GRIA4: variants seen among roughly 807,000 people sequenced by gnomAD.
The protein encoded by GRIA4 is glutamate ionotropic receptor AMPA type subunit 4, also known as glutamate receptor 4.
Under a neutral mutation model 104.0 loss-of-function variants are expected in GRIA4, and 34 were observed. The ratio of observed to expected loss-of-function variants is 0.33; its 90% CI spans 0.25 to 0.44. The LOEUF is 0.44. Ranked by LOEUF, GRIA4 falls within the 20% of genes least tolerant of loss-of-function variation. The pLI is 1.00. For missense variants in GRIA4, 750 were observed against 1,096.5 expected (o/e 0.68, Z 4.46); for synonymous variants, 386 against 381.9 (o/e 1.01, Z -0.13).
At chr11:105,780,068 C>G (rs561200572) in intron 4 of GRIA4, among the ~76,000 whole-genome samples, 1 of 152,188 alleles carries the variant, frequency 6.6e-6, no homozygotes, top group Admixed American at 6.5e-5. Context: ...TTTAGGTGTA[C>G]CCTGACTATC....
intron 4 of GRIA4, among the ~76,000 whole-genome samples, chr11:105,830,831 C>A (rs769297570): frequency 6.6e-6 from 1 of 151,982 alleles, no homozygotes; most frequent in Non-Finnish European, 1.5e-5. Flanking sequence ...TCTCTCACTG[C>A]CTTAACAGGT....
At chr11:105,619,934 T>C (rs774755420) in intron 3 of GRIA4, among the ~76,000 whole-genome samples, 1 of 151,910 alleles carries the variant, frequency 6.6e-6, no homozygotes, top group African/African-American at 2.4e-5. Context: ...TTCCTTAACA[T>C]AGAAAATAAT....
intron 14 of GRIA4, among the ~76,000 whole-genome samples, chr11:105,962,865 G>T (rs1009151624): frequency 2.0e-5 from 3 of 151,908 alleles, no homozygotes; most frequent in Non-Finnish European, 4.4e-5. Context: ...TACATTTAAC[G>T]CAATAAAGGG....
chr11:105,758,359 T>G (rs1940431886), intron 4 of GRIA4, among the ~76,000 whole-genome samples: 2 of 152,136 alleles, frequency 1.3e-5, no homozygotes, highest in Admixed American at 1.3e-4. Context: ...TTAAAAATCT[T>G]TAGACTGATG....
At chr11:105,731,987 GCA>G (rs1938624990) in intron 3 of GRIA4, among the ~76,000 whole-genome samples, 1 of 152,132 alleles carries the variant, frequency 6.6e-6, no homozygotes, top group Non-Finnish European at 1.5e-5. Flanking sequence ...CAACAAACCT[GCA>G]CGTTCTGCAC....
At chr11:105,634,488 A>AGG (rs1462862865) in intron 3 of GRIA4, among the ~76,000 whole-genome samples, 1 of 63,936 alleles carries the variant, frequency 1.6e-5, no homozygotes, top group African/African-American at 4.6e-5. Context: ...AAAGAAAGAA[A>AGG]GAAAGAAAGA....
At chr11:105,856,855 G>A (rs532385419) in intron 4 of GRIA4, among the ~76,000 whole-genome samples, 28 of 152,208 alleles carry the variant, frequency 1.8e-4, no homozygotes, top group Admixed American at 9.2e-4. Context: ...CTTTAACAAT[G>A]ATTATTATCA....
At chr11:105,959,991 T>C (rs1948694446) in intron 14 of GRIA4, among the ~76,000 whole-genome samples, 1 of 152,196 alleles carries the variant, frequency 6.6e-6, no homozygotes, top group Non-Finnish European at 1.5e-5. Context: ...GCCTGCTCCT[T>C]CTTCTAGGAC....
At chr11:105,639,617 C>G (rs993935437) in intron 3 of GRIA4, among the ~76,000 whole-genome samples, 1 of 151,888 alleles carries the variant, frequency 6.6e-6, no homozygotes, top group Non-Finnish European at 1.5e-5. Context: ...AATGATGTTG[C>G]TATCATACTT....
At chr11:105,619,435 T>C (rs1295994495) in intron 3 of GRIA4, among the ~76,000 whole-genome samples, 1 of 151,954 alleles carries the variant, frequency 6.6e-6, no homozygotes, top group Non-Finnish European at 1.5e-5. Flanking sequence ...AAGTTATTTA[T>C]ATTTTAAATT....
chr11:105,739,672 T>G (rs1939186152), intron 3 of GRIA4, among the ~76,000 whole-genome samples: 1 of 152,244 alleles, frequency 6.6e-6, no homozygotes, highest in Admixed American at 6.5e-5. Context: ...AGCATGCCTA[T>G]CCACCATCTG....
chr11:105,668,806 T>C (rs1464719323), intron 3 of GRIA4, among the ~76,000 whole-genome samples: 2 of 151,972 alleles, frequency 1.3e-5, no homozygotes, highest in Non-Finnish European at 2.9e-5. Context: ...GCTGAAGTCT[T>C]TTATTTAGTT....
intron 5 of GRIA4, among the ~76,000 whole-genome samples, chr11:105,876,827 C>T (rs901633371): frequency 3.9e-5 from 6 of 152,130 alleles, no homozygotes; most frequent in East Asian, 1.9e-4. Context: ...TGAGATGGGT[C>T]GCTGAATACA....
rs771992400 is a variant in GRIA4 at position 105,775,795 on chromosome 11, C to A, written c.487+22575C>A. 1.5e-3 allele frequency among the ~76,000 whole-genome samples: 227 copies of A among 151,934 alleles called. 2 individuals are homozygous for A. Among genetic ancestry groups the A allele is most frequent in the Non-Finnish European group, 2.4e-3 (164 of 67,894 alleles). On this transcript the variant is annotated intron_variant, in intron 4 of 16. Coordinates refer to ENST00000282499, the MANE Select transcript of GRIA4 (RefSeq NM_000829.4). ...AGAAAGTACCTCTTTCTAATAATGACACCCAACTTTATCAAGCATTTAGAA... is the reference window on the plus strand; with the variant it reads ...AGAAAGTACCTCTTTCTAATAATGAAACCCAACTTTATCAAGCATTTAGAA...
At chr11:105,844,363 G>T (rs1457519145) in intron 4 of GRIA4, among the ~76,000 whole-genome samples, 3 of 152,116 alleles carry the variant, frequency 2.0e-5, no homozygotes, top group Non-Finnish European at 2.9e-5. Context: ...ACTCCACTCT[G>T]ACCTCACCAT....
chr11:105,829,449 A>G (rs1034320721), intron 4 of GRIA4, among the ~76,000 whole-genome samples: 3 of 151,924 alleles, frequency 2.0e-5, no homozygotes, highest in African/African-American at 4.8e-5. Context: ...GATTTTAATT[A>G]CCACCCTTAC....
intron 3 of GRIA4, among the ~76,000 whole-genome samples, chr11:105,701,538 A>T (rs1953492029): frequency 6.6e-6 from 1 of 152,066 alleles, no homozygotes; most frequent in Admixed American, 6.6e-5. Context: ...CAAGAATGCA[A>T]TTCCATTATA....
intron 4 of GRIA4, among the ~76,000 whole-genome samples, chr11:105,839,722 T>TA (rs975079006): frequency 4.6e-5 from 7 of 150,624 alleles, no homozygotes; most frequent in African/African-American, 1.2e-4. Context: ...AAATAAAAAA[T>TA]AAAAAAAAAG....
chr11:105,823,814 A>G (rs998055248), intron 4 of GRIA4, among the ~76,000 whole-genome samples: 1 of 152,058 alleles, frequency 6.6e-6, no homozygotes, highest in Admixed American at 6.6e-5. Flanking sequence ...CTCCAAATTC[A>G]TATGTTGTAA....
Sources: allele counts gnomAD v4.1 joint callset (sites outside exome capture counted in the v4.1 genomes callset), GRCh38; gene constraint gnomAD v4.1.1; transcripts MANE v1.5; gene names NCBI Gene and HGNC (gene_info 2026-07-23, HGNC 2026-07-21).